The following NTN1 variants were observed in gnomAD, a reference collection of about 807,000 sequenced individuals.
NTN1 encodes the protein netrin-1.
NTN1 carries 11 observed loss-of-function variants against 54.2 expected under a neutral mutation model. The ratio of observed to expected loss-of-function variants is 0.20; its 90% CI spans 0.13 to 0.34. The LOEUF is 0.34. Ranked by LOEUF, NTN1 falls within the 10% of genes least tolerant of loss-of-function variation. The pLI, the probability that NTN1 is intolerant of heterozygous loss-of-function variation, is 1.00. For missense variants in NTN1, 740 were observed against 893.1 expected, an observed-to-expected ratio of 0.83 and a Z score of 2.18; for synonymous variants, 371 against 382.0, an observed-to-expected ratio of 0.97 and a Z score of 0.33.
intron 2 of NTN1, among the ~76,000 whole-genome samples, chr17:9,105,647 T>A (rs1304802188): frequency 1.3e-5 from 2 of 149,014 alleles, no homozygotes; most frequent in Admixed American, 6.7e-5. Flanking sequence ...AGATCTGTTC[T>A]GTCTCTCTCT....
intron 2 of NTN1, among the ~76,000 whole-genome samples, chr17:9,105,091 C>G (rs566842202): frequency 6.6e-6 from 1 of 152,194 alleles, no homozygotes; most frequent in African/African-American, 2.4e-5. Flanking sequence ...TTGTTTTGAG[C>G]GTCCATTTCA....
At chr17:9,188,015 G>A (rs1016667299) in intron 5 of NTN1, among the ~76,000 whole-genome samples, 9 of 152,194 alleles carry the variant, frequency 5.9e-5, no homozygotes, top group African/African-American at 1.7e-4. Context: ...GCCGGGCAGC[G>A]GCTGTTTAAT....
chr17:9,018,823 A>T (rs2091837384), upstream of NTN1, among the ~76,000 whole-genome samples: 1 of 152,090 alleles, frequency 6.6e-6, no homozygotes, highest in Non-Finnish European at 1.5e-5. Context: ...CCATCAGCTT[A>T]CATTCAGGGG....
At chr17:9,217,878 C>CAAAAAAAAAAAAAAAAAAAA (rs1555577529) in intron 5 of NTN1, among the ~76,000 whole-genome samples, 2 of 116,078 alleles carry the variant, frequency 1.7e-5, no homozygotes, top group African/African-American at 3.3e-5. Flanking sequence ...AAAAAAAAAG[C>CAAAAAAAAAAAAAAAAAAAA]AAACGCAACT....
intron 2 of NTN1, among the ~76,000 whole-genome samples, chr17:9,099,239 A>AT: frequency 6.6e-6 from 1 of 152,194 alleles, no homozygotes; most frequent in Admixed American, 6.5e-5. Flanking sequence ...CCCTGTCTCT[A>AT]CTAAATACAA....
intron 2 of NTN1, among the ~76,000 whole-genome samples, chr17:9,158,089 C>G (rs933275452): frequency 4.6e-5 from 7 of 152,216 alleles, no homozygotes; most frequent in African/African-American, 1.7e-4. Context: ...AGAAAACAAG[C>G]TGTAAAATAC....
chr17:9,163,531 C>T (rs1050931241), intron 3 of NTN1, among the ~76,000 whole-genome samples: 7 of 146,920 alleles, frequency 4.8e-5, no homozygotes, highest in Non-Finnish European at 9.0e-5. Context: ...CGTACAGTCA[C>T]AGCGGAGTCG....
upstream of NTN1, among the ~76,000 whole-genome samples, chr17:9,020,679 A>G (rs926681230): frequency 2.0e-5 from 3 of 152,200 alleles, no homozygotes; most frequent in Non-Finnish European, 2.9e-5. Flanking sequence ...ACCCTTAAAA[A>G]TGCGGTTGAG....
intron 5 of NTN1, among the ~76,000 whole-genome samples, chr17:9,198,002 A>G (rs1904683202): frequency 6.6e-6 from 1 of 152,194 alleles, no homozygotes; most frequent in African/African-American, 2.4e-5. Context: ...CTTTGAGGCT[A>G]GTTGATGGCT....
chr17:9,137,081 C>T (rs980889394), intron 2 of NTN1, among the ~76,000 whole-genome samples: 2 of 152,208 alleles, frequency 1.3e-5, no homozygotes, highest in South Asian at 4.2e-4. Flanking sequence ...CTCCACACAC[C>T]CTGCTCCTAT....
chr17:9,086,481 C>G (rs1024997783), intron 2 of NTN1, among the ~76,000 whole-genome samples: 7 of 152,142 alleles, frequency 4.6e-5, no homozygotes, highest in Non-Finnish European at 1.0e-4. Context: ...GGCACTCACT[C>G]TAGAGGGGAA....
chr17:9,035,001 C>T (rs2091899022), intron 2 of NTN1, among the ~76,000 whole-genome samples: 1 of 152,214 alleles, frequency 6.6e-6, no homozygotes, highest in Non-Finnish European at 1.5e-5. Context: ...GGCTGGAGTG[C>T]AGTGGCGTGA....
intron 2 of NTN1, among the ~76,000 whole-genome samples, chr17:9,140,709 T>C (rs1388346561): frequency 6.6e-6 from 1 of 152,136 alleles, no homozygotes; most frequent in Non-Finnish European, 1.5e-5. Flanking sequence ...GAACCTGTCA[T>C]GTAGGAGGGG....
chr17:9,090,251 C>T (rs548896625), intron 2 of NTN1, among the ~76,000 whole-genome samples: 5 of 151,646 alleles, frequency 3.3e-5, no homozygotes, highest in Non-Finnish European at 5.9e-5. Flanking sequence ...TCTCAGCTCA[C>T]TGCAACCTCT....
At chr17:9,205,549 C>A (rs1043281874) in intron 5 of NTN1, among the ~76,000 whole-genome samples, 1 of 152,250 alleles carries the variant, frequency 6.6e-6, no homozygotes, top group Non-Finnish European at 1.5e-5. Context: ...TTGGAGCCCA[C>A]GGGTTCGAGG....
intron 2 of NTN1, among the ~76,000 whole-genome samples, chr17:9,115,851 T>A (rs1597493236): frequency 6.6e-6 from 1 of 152,202 alleles, no homozygotes; most frequent in African/African-American, 2.4e-5. Context: ...GCAGCAGCCG[T>A]GTACTCGCCG....
intron 3 of NTN1, chr17:9,177,387 A>G (rs1005770297): frequency 6.6e-6 from 1 of 152,204 alleles, no homozygotes; most frequent in Non-Finnish European, 1.5e-5. Context: ...CTGCCAAGAT[A>G]AAGACAACCT....
chr17:9,108,707 G>A (rs946094171), intron 2 of NTN1, among the ~76,000 whole-genome samples: 1 of 152,082 alleles, frequency 6.6e-6, no homozygotes, highest in Non-Finnish European at 1.5e-5. Context: ...AGGCTCTGGC[G>A]CCACCTCCTT....
chr17:9,031,879 T>G (rs1456271532), intron 2 of NTN1, among the ~76,000 whole-genome samples: 1 of 151,986 alleles, frequency 6.6e-6, no homozygotes, highest in South Asian at 2.1e-4. Context: ...GAGAATCTCT[T>G]GAACCCGGGA....
Sources: allele counts gnomAD v4.1 joint callset (sites outside exome capture counted in the v4.1 genomes callset), GRCh38; gene constraint gnomAD v4.1.1; transcripts MANE v1.5; gene names NCBI Gene and HGNC (gene_info 2026-07-23, HGNC 2026-07-21).